Variants in LAMA3 observed in about 807,000 individuals in gnomAD.
LAMA3 encodes the protein laminin subunit alpha 3.
A neutral mutation model predicts 402.0 loss-of-function variants in LAMA3; 281 were observed. The observed-to-expected ratio is 0.70, with a 90% CI of 0.63 to 0.77. LAMA3 has a LOEUF of 0.77. LAMA3 is among the 30% of genes least tolerant of loss of function. The probability of loss-of-function intolerance (pLI) is 0.00; values close to 1 mark genes in which losing one functional copy is unlikely to be tolerated. For missense variants in LAMA3, 3,840 were observed against 4,215.5 expected (o/e 0.91, Z 2.47); for synonymous variants, 1,431 against 1,558.4 (o/e 0.92, Z 1.93).
chr18:23,909,792 A>G (rs1185539803), intron 55 of LAMA3, among the ~76,000 whole-genome samples: 1 of 152,166 alleles, frequency 6.6e-6, no homozygotes, highest in Non-Finnish European at 1.5e-5. Flanking sequence ...AATTACTGAC[A>G]CTTGTCTCTT....
intron 7 of LAMA3, among the ~76,000 whole-genome samples, chr18:23,762,294 G>A (rs2061984391): frequency 1.3e-5 from 2 of 151,954 alleles, no homozygotes; most frequent in Non-Finnish European, 2.9e-5. Flanking sequence ...CAGTTTTAAG[G>A]AGGTTACTTA....
chr18:23,943,763 C>T, intron 68 of LAMA3, 25 bp from the exon 69 acceptor site: 1 of 1,611,928 alleles, frequency 6.2e-7, no homozygotes, highest in Non-Finnish European at 8.5e-7. Flanking sequence ...CCTCTATTTC[C>T]CTTCATCGCC....
intron 27 of LAMA3, among the ~76,000 whole-genome samples, chr18:23,841,684 A>G (rs1378715457): frequency 2.6e-5 from 4 of 152,162 alleles, no homozygotes; most frequent in Admixed American, 2.6e-4. Context: ...GCACTTTGGG[A>G]GGCCAAGGCG....
At chr18:23,708,927 A>G in intron 1 of LAMA3, among the ~76,000 whole-genome samples, 1 of 24,914 alleles carries the variant, frequency 4.0e-5, no homozygotes, top group East Asian at 3.9e-4. Flanking sequence ...CTGGCTAATT[A>G]AAAAAAAAAA....
In LAMA3 at chr18:23,901,073, C is replaced by T. The variant is rs2145122341; in HGVS notation, c.6005-54C>T. ...ATTCTCCCTTTGTAGTTTTTATAAC[C>T]CAGCTTCAGTATGCTCATCTGTCAA... is the stretch of plus-strand genomic sequence containing the variant. On this transcript the variant is annotated intron_variant, in intron 47 of 74. Transcript: ENST00000313654. 4 of 1,475,250 alleles carry T rather than the reference C, an allele frequency of 2.7e-6. No individual in the cohort carries two copies. In the South Asian group the frequency reaches 3.4e-5, roughly 13 times the overall value. The allele number at this position is 1,475,250 out of a possible 1,614,324, so 91.4% of individuals were successfully genotyped here. A position where few individuals can be genotyped will look rare whatever the true frequency, so the allele number is the denominator to read the frequency against.
intron 67 of LAMA3, among the ~76,000 whole-genome samples, chr18:23,936,475 C>T (rs1258519898): frequency 6.8e-6 from 1 of 146,450 alleles, no homozygotes; most frequent in African/African-American, 2.5e-5. Context: ...GCACAAAGAA[C>T]GTGCTCTTCT....
Position 23,954,673 on chromosome 18 carries a change from A to C in LAMA3, c.*25A>C, listed in dbSNP as rs1224156687. 1 of 1,613,486 alleles carries C rather than the reference A, an allele frequency of 6.2e-7. No individual in the cohort carries two copies. Among genetic ancestry groups the C allele is most frequent in the South Asian group, 1.1e-5 (1 of 91,066 alleles). On this transcript the variant is annotated 3_prime_UTR_variant, in exon 75 of 75. Transcript: ENST00000313654. ...ACCCAAGCCTATTTCACAGCAAGGA[A>C]ATTCACCTTCAAAAGCACTGATTAC...
At chr18:23,717,156 T>A (rs184928561) in intron 2 of LAMA3, among the ~76,000 whole-genome samples, 65 of 152,326 alleles carry the variant, frequency 4.3e-4, no homozygotes, top group Non-Finnish European at 6.0e-4. Context: ...GAGCATGACA[T>A]GTTTTAACAA....
rs2061680545 is a variant in LAMA3, at chr18:23,747,984, T to C, written c.489T>C (p.Ser163=). 2 of 1,613,232 alleles carry C rather than the reference T, an allele frequency of 1.2e-6. No individual in the cohort carries two copies. Among genetic ancestry groups the C allele is most frequent in the African/African-American group, 1.3e-5 (1 of 74,912 alleles). Residue 163 remains serine (S), a synonymous_variant, in exon 3 of 75, where the codon TCT becomes TCC. Transcript: ENST00000313654. ...ATATTTTAATCAAATTTGCAAATTC[T>C]CCTCGCCCTGATCTTTGGGTCTTGG... The part of the protein sequence containing the change: ...VAYILIKFAN[S]PRPDLWVLER...
chr18:23,776,689 A>G (rs1354043251), intron 10 of LAMA3, among the ~76,000 whole-genome samples: 1 of 151,980 alleles, frequency 6.6e-6, no homozygotes, highest in Non-Finnish European at 1.5e-5. Flanking sequence ...ATGGGTAACT[A>G]TATGTTCTCA....
intron 24 of LAMA3, among the ~76,000 whole-genome samples, chr18:23,835,241 C>T (rs1227715979): frequency 2.0e-5 from 3 of 152,200 alleles, no homozygotes; most frequent in African/African-American, 7.2e-5. Context: ...CCAGCTCCTT[C>T]CACCTCCAGA....
intron 23 of LAMA3, among the ~76,000 whole-genome samples, chr18:23,833,120 T>G (rs367543465): frequency 5.6e-4 from 86 of 152,268 alleles, no homozygotes; most frequent in African/African-American, 1.9e-3. Context: ...GTAGGTGATA[T>G]CAGGGGAGGA....
intron 2 of LAMA3, among the ~76,000 whole-genome samples, chr18:23,715,661 C>T (rs986148663): frequency 2.0e-5 from 3 of 152,148 alleles, no homozygotes; most frequent in African/African-American, 4.8e-5. Context: ...GTAACGTAAA[C>T]AGCAGGAAGA....
At chr18:23,889,781 C>T (rs1211650154) in intron 41 of LAMA3, among the ~76,000 whole-genome samples, 2 of 151,824 alleles carry the variant, frequency 1.3e-5, no homozygotes, top group African/African-American at 4.8e-5. Flanking sequence ...AAACTCCTCC[C>T]TCATTCAAAA....
rs373672645 is a variant in LAMA3, at chr18:23,943,179, A to C, written c.9027-609A>C. On this transcript the variant is annotated intron_variant, in intron 68 of 74. Coordinates refer to ENST00000313654, the MANE Select transcript of LAMA3 (RefSeq NM_198129.4). ...AAAGTACAGGCTTCTCAGTGAAATA[A>C]GCCAGTCACAAAAGGACAAGTCCCC... Among the ~76,000 whole-genome samples, 372 of 152,356 alleles carry C rather than the reference A, an allele frequency of 2.4e-3. 2 individuals carry two copies. The highest frequency in any genetic ancestry group is 8.7e-3 in the African/African-American group (360 of 41,586).
In LAMA3 at chr18:23,839,718, A is replaced by G. The variant is rs2063656689; in HGVS notation, c.3192-67A>G. The G allele has an allele frequency of 2.6e-6, 4 of 1,556,494 alleles. No individual in the cohort carries two copies. The highest frequency in any genetic ancestry group is 1.7e-5 in the Admixed American group (1 of 59,882). ...TCCTATGCTCCAAGTCTGTCTCTTC[A>G]CTGATGGTCAGTTCTGTAGCTTTGG... is the stretch of plus-strand genomic sequence containing the variant. On this transcript the variant is annotated intron_variant, in intron 26 of 74. Transcript: ENST00000313654. This position sits in a 1 kb window ranked among gnomAD's most constrained non-coding sequence, Gnocchi z 4.5.
chr18:23,694,885 CAA>C (rs934059519), intron 1 of LAMA3, among the ~76,000 whole-genome samples: 3 of 152,176 alleles, frequency 2.0e-5, no homozygotes, highest in African/African-American at 7.2e-5. Context: ...AATTCCTGTG[CAA>C]AGTATGCTGC....
At chr18:23,937,159 A>C (rs1411357150) in intron 67 of LAMA3, among the ~76,000 whole-genome samples, 1 of 152,036 alleles carries the variant, frequency 6.6e-6, no homozygotes, top group African/African-American at 2.4e-5. Context: ...TGAGGTCAGG[A>C]GTTCAAGACC....
At position 23,898,926 on chromosome 18, in the gene LAMA3, G is replaced by C. The variant is rs143430664; in HGVS notation, c.5725-28G>C. On this transcript the variant is annotated intron_variant, in intron 45 of 74. Coordinates refer to ENST00000313654, the MANE Select transcript of LAMA3 (RefSeq NM_198129.4). ...TTATTTTTCCTTATTGACTTAATTTGCTGCTAATCAATTTATTTTTCATAT... is the reference window on the plus strand; with the variant it reads ...TTATTTTTCCTTATTGACTTAATTTCCTGCTAATCAATTTATTTTTCATAT... 4.3e-4 allele frequency: 688 copies of C among 1,592,400 alleles called. 4 individuals are homozygous for C. In the African/African-American group the frequency reaches 8.0e-3, roughly 18 times the overall value.
Sources: gnomAD v4.1 joint callset for allele counts (sites outside exome capture counted in the v4.1 genomes callset) on GRCh38, gnomAD v4.1.1 for gene constraint, Gnocchi (gnomAD v3.1) non-coding constraint, MANE v1.5 for transcripts, NCBI Gene and HGNC (gene_info 2026-07-23, HGNC 2026-07-21) for gene names.